Variants in EXOC6 observed in about 807,000 individuals in gnomAD.
EXOC6 encodes SEC15-like 1.
A neutral mutation model predicts 112.5 loss-of-function variants in EXOC6; 60 were observed. The ratio of observed to expected loss-of-function variants is 0.53; its 90% CI spans 0.43 to 0.66. The LOEUF (loss-of-function observed/expected upper bound fraction) is 0.66. EXOC6 is among the 30% of genes least tolerant of loss of function. The pLI is 0.00. For synonymous variants in EXOC6, 295 were observed against 308.0 expected (o/e 0.96, Z 0.44); for missense variants, 855 against 957.1 (o/e 0.89, Z 1.41).
chr10:93,050,781 A>AAAAAAAAAAAAAAAAAAT (rs1564940948), intron 20 of EXOC6, among the ~76,000 whole-genome samples: 1 of 148,628 alleles, frequency 6.7e-6, no homozygotes, highest in Non-Finnish European at 1.5e-5. Flanking sequence ...AAAAAAAAAA[A>AAAAAAAAAAAAAAAAAAT]GAATTGCTTG....
rs190671623 is a variant in EXOC6, at chr10:92,994,827, A to C, written c.1954-2647A>C. On this transcript the variant is annotated intron_variant, in intron 18 of 21. Transcript: ENST00000260762. ...TACCAGAGTGTGCCAATGGCTATAG[A>C]CATTAAAAATAAATTTTCAAATATA... Among the ~76,000 whole-genome samples, 471 of 152,050 alleles carry C rather than the reference A, an allele frequency of 3.1e-3. 3 individuals carry two copies. Among genetic ancestry groups the C allele is most frequent in the African/African-American group, 0.011 (451 of 41,548 alleles).
intron 20 of EXOC6, among the ~76,000 whole-genome samples, chr10:93,017,450 A>T (rs1844582155): frequency 1.3e-5 from 2 of 151,816 alleles, no homozygotes. Flanking sequence ...TTAACCAGGC[A>T]TGGTGGCAGG....
chr10:92,860,762 C>G (rs1321830016), intron 1 of EXOC6, among the ~76,000 whole-genome samples: 2 of 152,144 alleles, frequency 1.3e-5, no homozygotes, highest in Non-Finnish European at 2.9e-5. Context: ...CAAGATTTAT[C>G]CACATTGTAG....
At chr10:92,906,301 G>C (rs370388290) in intron 5 of EXOC6, among the ~76,000 whole-genome samples, 1 of 151,838 alleles carries the variant, frequency 6.6e-6, no homozygotes, top group African/African-American at 2.4e-5. Flanking sequence ...TAAAAATTTC[G>C]TACTTTTTCA....
chr10:92,993,749 T>C (rs1843364117), intron 18 of EXOC6, among the ~76,000 whole-genome samples: 1 of 152,226 alleles, frequency 6.6e-6, no homozygotes. Context: ...TGTCTTGACA[T>C]ACAAGCAGAT....
intron 4 of EXOC6, among the ~76,000 whole-genome samples, chr10:92,897,382 G>C (rs539058141): frequency 6.6e-6 from 1 of 152,218 alleles, no homozygotes; most frequent in African/African-American, 2.4e-5. Flanking sequence ...CATCATGGTA[G>C]GTATTGGAAC....
In EXOC6 at chr10:92,894,970, A is replaced by C. The variant is rs200055194; in HGVS notation, c.362A>C (p.Gln121Pro). ...HTEDIIRCRIQQRNITTVVEK... is the reference protein window; with the variant it reads ...HTEDIIRCRIPQRNITTVVEK... Reference sequence around the variant, plus strand: ...GAAGATATCATTCGATGTAGAATTCAGCAGAGAAATATTACAACTGTAGTA... The same window carrying C: ...GAAGATATCATTCGATGTAGAATTCCGCAGAGAAATATTACAACTGTAGTA... The change falls in exon 4 of 22, where the codon CAG (glutamine) becomes CCG (proline). Residue 121 changes from glutamine (Q) to proline (P), a missense_variant. Physicochemically the swap from Gln to Pro is moderately conservative, Grantham distance 76. Coordinates refer to ENST00000260762, the MANE Select transcript of EXOC6 (RefSeq NM_019053.6). 6.2e-7 allele frequency: 1 copy of C among 1,612,932 alleles called. No homozygotes were observed. Among genetic ancestry groups the C allele is most frequent in the South Asian group, 1.1e-5 (1 of 91,044 alleles).
At chr10:92,828,926 A>G (rs914282253) in intron 1 of EXOC6, among the ~76,000 whole-genome samples, 2 of 151,968 alleles carry the variant, frequency 1.3e-5, no homozygotes, top group Non-Finnish European at 1.5e-5. Flanking sequence ...TAGAGTAAGG[A>G]AGTCCTCCGT....
At chr10:92,885,153 C>T (rs1195530657) in intron 1 of EXOC6, among the ~76,000 whole-genome samples, 1 of 152,112 alleles carries the variant, frequency 6.6e-6, no homozygotes, top group African/African-American at 2.4e-5. Flanking sequence ...AATTTATAAT[C>T]AGTTACAGCG....
intron 6 of EXOC6, among the ~76,000 whole-genome samples, chr10:92,912,988 G>A (rs1159715660): frequency 2.0e-5 from 3 of 152,290 alleles, no homozygotes; most frequent in East Asian, 1.9e-4. Flanking sequence ...CTGACTGCAC[G>A]TCCATTCATA....
At chr10:93,040,904 A>G (rs1845735363) in intron 20 of EXOC6, among the ~76,000 whole-genome samples, 1 of 152,082 alleles carries the variant, frequency 6.6e-6, no homozygotes, top group Non-Finnish European at 1.5e-5. Flanking sequence ...GGTTTCCCCA[A>G]GGTTTCTGTC....
intron 17 of EXOC6, among the ~76,000 whole-genome samples, chr10:92,960,773 TA>T (rs1238206829): frequency 6.6e-6 from 1 of 152,170 alleles, no homozygotes; most frequent in Admixed American, 6.5e-5. Context: ...AATGAAATCA[TA>T]CAGAGTGCAT....
intron 19 of EXOC6, 93 bp from the exon 20 acceptor site, chr10:93,014,101 T>C (rs1423236745): frequency 1.2e-6 from 1 of 860,722 alleles, no homozygotes; most frequent in Non-Finnish European, 1.8e-6. Flanking sequence ...AATATTATAA[T>C]GCATTTATAA....
At chr10:93,039,518 C>G (rs1203682367) in intron 20 of EXOC6, among the ~76,000 whole-genome samples, 1 of 152,206 alleles carries the variant, frequency 6.6e-6, no homozygotes, top group African/African-American at 2.4e-5. Flanking sequence ...TCTGGACATT[C>G]ACCCCATCCA....
Position 93,032,005 on chromosome 10 carries a change from A to G in EXOC6, c.2169+17738A>G, listed in dbSNP as rs193165114. Among the ~76,000 whole-genome samples, 9 of 152,334 alleles carry G rather than the reference A, an allele frequency of 5.9e-5. No homozygotes were observed. The East Asian group carries it at 1.7e-3, about 29-fold the overall frequency. ...ATTAGCCATAGGCATTACACATTTG[A>G]CCACTCTTATGTTCTACCACTTTAT... On this transcript the variant is annotated intron_variant, in intron 20 of 21. Transcript: ENST00000260762.
intron 20 of EXOC6, among the ~76,000 whole-genome samples, chr10:93,041,260 C>T (rs548753523): frequency 1.3e-5 from 2 of 152,282 alleles, no homozygotes; most frequent in South Asian, 2.1e-4. Context: ...TCTATCCCAA[C>T]TATGTACCTG....
intron 6 of EXOC6, among the ~76,000 whole-genome samples, 156 bp downstream of exon 6, chr10:92,909,787 T>A (rs1024778988): frequency 1.3e-5 from 2 of 152,240 alleles, no homozygotes; most frequent in East Asian, 3.8e-4. Flanking sequence ...TCTATCAGTG[T>A]TTTCTTTGGC....
chr10:92,952,021 C>T (rs1013246475), intron 14 of EXOC6, among the ~76,000 whole-genome samples: 2 of 152,048 alleles, frequency 1.3e-5, no homozygotes, highest in African/African-American at 4.8e-5. Context: ...TCAGAATACA[C>T]CAGAGGTATT....
At chr10:92,868,878 T>C (rs1173822054) in intron 1 of EXOC6, among the ~76,000 whole-genome samples, 1 of 147,396 alleles carries the variant, frequency 6.8e-6, no homozygotes, top group African/African-American at 2.5e-5. Context: ...AGTGGCATGA[T>C]CATGACTCAC....
Sources: gnomAD v4.1 joint callset for allele counts (sites outside exome capture counted in the v4.1 genomes callset) on GRCh38, gnomAD v4.1.1 for gene constraint, MANE v1.5 for transcripts, NCBI Gene and HGNC (gene_info 2026-07-23, HGNC 2026-07-21) for gene names.